ASAP3: variants seen among roughly 807,000 people sequenced by gnomAD.
ASAP3 encodes arf-GAP with SH3 domain, ANK repeat and PH domain-containing protein 3.
Under a neutral mutation model 118.2 loss-of-function variants are expected in ASAP3, and 85 were observed. The ratio of observed to expected loss-of-function variants is 0.72; its 90% CI spans 0.60 to 0.86. The LOEUF is 0.86. ASAP3 is among the 40% of genes least tolerant of loss of function. The pLI is 0.00. For synonymous variants in ASAP3, 432 were observed against 477.4 expected (o/e 0.90, Z 1.24); for missense variants, 1,026 against 1,175.0 (o/e 0.87, Z 1.85).
At chr1:23,483,379 G>A (rs1399048933) in intron 1 of ASAP3, among the ~76,000 whole-genome samples, 4 of 152,236 alleles carry the variant, frequency 2.6e-5, no homozygotes, top group Non-Finnish European at 5.9e-5. Flanking sequence ...GCATGGGAAT[G>A]GGGTGGGGCA....
In ASAP3 at chr1:23,438,951, C is replaced by T. The variant is rs1640771347; in HGVS notation, c.1015-117G>A. 8.3e-7 allele frequency: 1 copy of T among 1,199,174 alleles called. No individual in the cohort carries two copies. Among genetic ancestry groups the T allele is most frequent in the Admixed American group, 2.0e-5 (1 of 51,256 alleles). The allele number at this position is 1,199,174 out of a possible 1,614,324, so 74.3% of individuals were successfully genotyped here. A position where few individuals can be genotyped will look rare whatever the true frequency, so the allele number is the denominator to read the frequency against. On this transcript the variant is annotated intron_variant, in intron 11 of 24. Transcript: ENST00000336689. The surrounding 1 kb of genome is among the most constrained non-coding windows in gnomAD (Gnocchi z 4.9). The stretch of plus-strand genomic sequence containing the variant: ...ATCATCCTGTTCCATTTGTGTTTCT[C>T]CTCACCCAGCAGCACCTCAAGGATG...
In ASAP3 at chr1:23,441,525, C is replaced by T. The variant is rs1225820022; in HGVS notation, c.748-52G>A. On this transcript the variant is annotated intron_variant, in intron 8 of 24. Transcript: ENST00000336689. ...CACCAGCCAACAAATATGTCAGGCACAGAGCCCAGACCCAGAAGAGCAGAG... is the reference window on the plus strand; with the variant it reads ...CACCAGCCAACAAATATGTCAGGCATAGAGCCCAGACCCAGAAGAGCAGAG... 5.6e-6 allele frequency: 9 copies of T among 1,608,498 alleles called. No homozygotes were observed. In the Admixed American group the frequency reaches 8.4e-5, roughly 15 times the overall value.
At chr1:23,454,630 A>G (rs530212222) in intron 3 of ASAP3, among the ~76,000 whole-genome samples, 1 of 152,332 alleles carries the variant, frequency 6.6e-6, no homozygotes, top group African/African-American at 2.4e-5. Context: ...AAACACTGTT[A>G]AAGGCTTTTT....
chr1:23,433,134 G>T lies in ASAP3; in HGVS notation c.2266C>A (p.Pro756Thr). Residue 756 changes from proline to threonine, a missense_variant, in exon 22 of 25, where the codon CCA becomes ACA. Physicochemically the swap from Pro to Thr is conservative, Grantham distance 38 (BLOSUM62 -1). Coordinates refer to ENST00000336689, the MANE Select transcript of ASAP3 (RefSeq NM_017707.4). Reference protein sequence around the residue: ...GESEDCPPPLPVKNSSRTLVQ... With the variant: ...GESEDCPPPLTVKNSSRTLVQ... Reference sequence around the variant, plus strand: ...AAAGTCCGAGAAGAGTTTTTGACTGGCAAGGGCGGGGGACAGTCCTCACTC... The same window carrying T: ...AAAGTCCGAGAAGAGTTTTTGACTGTCAAGGGCGGGGGACAGTCCTCACTC... The T allele has an allele frequency of 6.2e-7, 1 of 1,614,112 alleles. No individual in the cohort carries two copies. Among genetic ancestry groups the T allele is most frequent in the Non-Finnish European group, 8.5e-7 (1 of 1,180,004 alleles).
At chr1:23,472,429 C>T (rs560878015) in intron 1 of ASAP3, among the ~76,000 whole-genome samples, 5 of 152,238 alleles carry the variant, frequency 3.3e-5, no homozygotes, top group East Asian at 3.9e-4. Context: ...CCCACCTTGG[C>T]GTCCCACAGT....
chr1:23,431,540 G>A (rs1173927365), intron 23 of ASAP3, among the ~76,000 whole-genome samples, 156 bp downstream of exon 23: 1 of 152,200 alleles, frequency 6.6e-6, no homozygotes, highest in Non-Finnish European at 1.5e-5. Context: ...GAAGGGGGAA[G>A]GGGTCCCAGG....
intron 10 of ASAP3, among the ~76,000 whole-genome samples, chr1:23,440,500 CAAAAAAAAAAAAAAAAAA>C (rs35344912): frequency 3.3e-4 from 8 of 24,316 alleles, no homozygotes; most frequent in East Asian, 1.4e-3. Flanking sequence ...GACTCCATCT[CAAAAAAAAAAAAAAAAAA>C]AAAAAAAAAA....
At position 23,447,865 on chromosome 1, in the gene ASAP3, T is replaced by C. The variant is rs543434511; in HGVS notation, c.473+3614A>G. Among the ~76,000 whole-genome samples the C allele has an allele frequency of 1.3e-3, 194 of 152,298 alleles. 2 individuals are homozygous for C. The highest frequency in any genetic ancestry group is 4.3e-3 in the African/African-American group (177 of 41,548). ...CAAAATGTACACAGCTGTGACAAAA[T>C]GGCTTTGTCAATTATCACAGTTCTG... On this transcript the variant is annotated intron_variant, in intron 5 of 24. Coordinates refer to ENST00000336689, the MANE Select transcript of ASAP3 (RefSeq NM_017707.4).
upstream of ASAP3, chr1:23,484,384 G>T: frequency 3.3e-6 from 1 of 301,192 alleles, no homozygotes; most frequent in Non-Finnish European, 5.8e-6. Flanking sequence ...ACCGCGTCAG[G>T]CCGCTTCCCC....
intron 1 of ASAP3, among the ~76,000 whole-genome samples, chr1:23,470,390 T>C (rs1021552751): frequency 2.6e-5 from 4 of 152,192 alleles, no homozygotes; most frequent in African/African-American, 9.6e-5. Context: ...GGCAGTGCTC[T>C]TCCCAGCTAC....
intron 5 of ASAP3, among the ~76,000 whole-genome samples, chr1:23,450,063 C>G (rs1641166271): frequency 6.6e-6 from 1 of 152,170 alleles, no homozygotes; most frequent in African/African-American, 2.4e-5. Context: ...TAGGGCCCCA[C>G]AGGGATGGCC....
chr1:23,480,663 G>T (rs1642277257), intron 1 of ASAP3, among the ~76,000 whole-genome samples: 1 of 152,180 alleles, frequency 6.6e-6, no homozygotes, highest in Non-Finnish European at 1.5e-5. Context: ...TATGTCCTTA[G>T]TGTCCTTTAT....
chr1:23,429,840 G>T lies in ASAP3; in HGVS notation c.*16C>A, dbSNP rs1445333335. 2 of 1,611,908 alleles carry T rather than the reference G, an allele frequency of 1.2e-6. No homozygotes were observed. Reference sequence around the variant, plus strand: ...CATTGGGGCCTAGCATGGGGCATGTGGGGGCCAGCAAGGAGCTAGTCTTGC... The same window carrying T: ...CATTGGGGCCTAGCATGGGGCATGTTGGGGCCAGCAAGGAGCTAGTCTTGC... On this transcript the variant is annotated 3_prime_UTR_variant, in exon 25 of 25. Transcript: ENST00000336689.
At chr1:23,469,004 C>G (rs1278530875) in intron 1 of ASAP3, among the ~76,000 whole-genome samples, 1 of 149,416 alleles carries the variant, frequency 6.7e-6, no homozygotes, top group Non-Finnish European at 1.5e-5. Flanking sequence ...GATCCAATTA[C>G]CAATTTACAG....
Position 23,456,191 on chromosome 1 carries a change from A to G in ASAP3, c.133T>C (p.Leu45=), listed in dbSNP as rs1335762016. The change falls in exon 2 of 25, where the codon TTG becomes CTG. Residue 45 remains leucine, a synonymous_variant. Coordinates refer to ENST00000336689, the MANE Select transcript of ASAP3 (RefSeq NM_017707.4). ...TGCAGGATGGCTTGGTCTCCTTCCAAGATCTGGAAGCAAATGTGGACAGAG... is the reference window on the plus strand; with the variant it reads ...TGCAGGATGGCTTGGTCTCCTTCCAGGATCTGGAAGCAAATGTGGACAGAG... ...RGAALAREEI[L]EGDQAILQRI... is the part of the protein sequence containing the mutation. 2 of 1,613,950 alleles carry G rather than the reference A, an allele frequency of 1.2e-6. No homozygotes were observed. The highest frequency in any genetic ancestry group is 3.3e-5 in the Admixed American group (2 of 60,008).
Position 23,438,857 on chromosome 1 carries a change from G to A in ASAP3, c.1015-23C>T. 4 of 1,610,706 alleles carry A rather than the reference G, an allele frequency of 2.5e-6. No individual in the cohort carries two copies. Among genetic ancestry groups the A allele is most frequent in the Non-Finnish European group, 3.4e-6 (4 of 1,177,016 alleles). ...TATCTGTGGGAATTTAGGGGCGGAG[G>A]ATGTATGCATTACCTCTGGCCCTCC... On this transcript the variant is annotated intron_variant, in intron 11 of 24. Coordinates refer to ENST00000336689, the MANE Select transcript of ASAP3 (RefSeq NM_017707.4). The surrounding 1 kb of genome is among the most constrained non-coding windows in gnomAD (Gnocchi z 4.9).
intron 1 of ASAP3, among the ~76,000 whole-genome samples, chr1:23,468,640 A>G (rs557594685): frequency 1.3e-5 from 2 of 151,576 alleles, no homozygotes; most frequent in South Asian, 4.2e-4. Context: ...TGGGAGGCTG[A>G]GGTGGGAGGA....
intron 1 of ASAP3, among the ~76,000 whole-genome samples, chr1:23,469,898 A>C (rs1270077558): frequency 6.6e-6 from 1 of 152,196 alleles, no homozygotes; most frequent in African/African-American, 2.4e-5. Context: ...TACGAGCTAA[A>C]TCTTCTCTCT....
chr1:23,447,685 G>A (rs1481230074), intron 5 of ASAP3, among the ~76,000 whole-genome samples: 1 of 152,162 alleles, frequency 6.6e-6, no homozygotes, highest in Non-Finnish European at 1.5e-5. Flanking sequence ...AGTAAATACT[G>A]GTGATCCCTT....
Sources: gnomAD v4.1 joint callset for allele counts (sites outside exome capture counted in the v4.1 genomes callset) on GRCh38, gnomAD v4.1.1 for gene constraint, Gnocchi (gnomAD v3.1) non-coding constraint, MANE v1.5 for transcripts, NCBI Gene and HGNC (gene_info 2026-07-23, HGNC 2026-07-21) for gene names.